The following BORCS5 variants were observed in gnomAD, a reference collection of about 807,000 sequenced individuals.
The protein encoded by BORCS5 is BLOC-1 related complex subunit 5, also known as BLOC-1-related complex subunit 5.
Under a neutral mutation model 22.1 loss-of-function variants are expected in BORCS5, and 17 were observed. The observed-to-expected ratio is 0.77, with a 90% CI of 0.53 to 1.15. The LOEUF (loss-of-function observed/expected upper bound fraction) is 1.15, where lower values mean the gene tolerates loss of function less well. Among genes scored for constraint, BORCS5 ranks in the 50% most tolerant of loss-of-function variants. BORCS5 has a pLI of 0.00. For synonymous variants in BORCS5, 117 were observed against 99.8 expected (o/e 1.17, Z -1.03); for missense variants, 247 against 253.2 (o/e 0.98, Z 0.17).
chr12:12,373,845 A>G (rs1027532617), intron 2 of BORCS5, among the ~76,000 whole-genome samples: 7 of 152,186 alleles, frequency 4.6e-5, no homozygotes, highest in Non-Finnish European at 7.3e-5. Flanking sequence ...CAAAGAGTAG[A>G]TAAACATGGA....
rs182274143 is a variant in BORCS5 at position 12,370,940 on chromosome 12, G to A, written c.202+9591G>A. Among the ~76,000 whole-genome samples, 223 of 152,132 alleles carry A rather than the reference G, an allele frequency of 1.5e-3. 2 individuals are homozygous for A. Among genetic ancestry groups the A allele is most frequent in the African/African-American group, 4.0e-3 (164 of 41,514 alleles). On this transcript the variant is annotated intron_variant, in intron 2 of 3. Transcript: ENST00000314565. ...ATTTTTCTGTATTTTTAGCAGAGAC[G>A]GGATTTCACTGTGTTAGCCAGGGTG...
At chr12:12,403,518 A>G (rs139639448) in intron 2 of BORCS5, among the ~76,000 whole-genome samples, 147 of 152,272 alleles carry the variant, frequency 9.7e-4, no homozygotes, top group Non-Finnish European at 1.8e-3. Flanking sequence ...GAAGCAGGAG[A>G]TGAGGAAAGG....
intron 2 of BORCS5, among the ~76,000 whole-genome samples, chr12:12,389,553 T>A (rs941442215): frequency 3.3e-5 from 5 of 152,114 alleles, no homozygotes; most frequent in Non-Finnish European, 7.4e-5. Flanking sequence ...GGTTGCTCCA[T>A]CCTGCCTACA....
chr12:12,397,777 G>C (rs540714612), intron 2 of BORCS5, among the ~76,000 whole-genome samples: 1 of 152,288 alleles, frequency 6.6e-6, no homozygotes, highest in East Asian at 1.9e-4. Context: ...TTGCTAAGAA[G>C]TGTTAAGCGT....
chr12:12,461,168 T>C (rs1257176050), intron 3 of BORCS5, among the ~76,000 whole-genome samples: 4 of 151,580 alleles, frequency 2.6e-5, no homozygotes, highest in East Asian at 1.9e-4. Context: ...ATTCTTTTTT[T>C]TTTTTTTTTT....
At chr12:12,415,556 A>AGGGG (rs1555151610) in intron 2 of BORCS5, among the ~76,000 whole-genome samples, 4 of 3,302 alleles carry the variant, frequency 1.2e-3, no homozygotes, top group Non-Finnish European at 3.7e-3. Context: ...GACCGTGGAG[A>AGGGG]GAGGGGGAGG....
At chr12:12,361,773 G>C (rs1392539993) in intron 2 of BORCS5, among the ~76,000 whole-genome samples, 1 of 152,138 alleles carries the variant, frequency 6.6e-6, no homozygotes, top group Non-Finnish European at 1.5e-5. Context: ...TTGTGATCTG[G>C]ACAGTGGGTG....
chr12:12,396,298 T>C (rs150858869), intron 2 of BORCS5, among the ~76,000 whole-genome samples: 126 of 152,336 alleles, frequency 8.3e-4, no homozygotes, highest in Middle Eastern at 3.4e-3. Flanking sequence ...GAGATTAATT[T>C]TGAATTTTGG....
chr12:12,449,681 T>C (rs189124349), intron 3 of BORCS5, among the ~76,000 whole-genome samples: 5 of 152,348 alleles, frequency 3.3e-5, no homozygotes, highest in African/African-American at 1.2e-4. Context: ...TTTAGATACA[T>C]TGTTTGAACA....
intron 2 of BORCS5, among the ~76,000 whole-genome samples, chr12:12,401,107 C>T (rs1248306058): frequency 6.6e-6 from 1 of 152,120 alleles, no homozygotes; most frequent in Non-Finnish European, 1.5e-5. Context: ...AACAGTTTTG[C>T]AGTGGACATC....
chr12:12,418,399 A>G (rs192088627), intron 2 of BORCS5, among the ~76,000 whole-genome samples: 31 of 152,098 alleles, frequency 2.0e-4, no homozygotes, highest in Admixed American at 9.2e-4. Flanking sequence ...TTTAAGGTCT[A>G]TTTTGGTCAG....
intron 3 of BORCS5, among the ~76,000 whole-genome samples, chr12:12,441,018 G>C (rs1942671781): frequency 6.6e-6 from 1 of 152,186 alleles, no homozygotes; most frequent in Non-Finnish European, 1.5e-5. Flanking sequence ...GATCAAAGAT[G>C]AAGGAGAAAG....
intron 2 of BORCS5, among the ~76,000 whole-genome samples, chr12:12,416,939 G>C (rs796652785): frequency 2.6e-5 from 4 of 151,412 alleles, no homozygotes; most frequent in African/African-American, 9.7e-5. Flanking sequence ...GCGCCACCAT[G>C]CCTGGCTACT....
chr12:12,454,473 C>T (rs1011616079), intron 3 of BORCS5, among the ~76,000 whole-genome samples: 6 of 152,126 alleles, frequency 3.9e-5, no homozygotes, highest in African/African-American at 1.4e-4. Flanking sequence ...ATTTGTATAT[C>T]TTCTTTGGAT....
intron 2 of BORCS5, among the ~76,000 whole-genome samples, chr12:12,402,458 A>C (rs1286396480): frequency 6.6e-6 from 1 of 152,242 alleles, no homozygotes; most frequent in East Asian, 1.9e-4. Context: ...ATTCTGCCCT[A>C]CTGTGGACAC....
intron 3 of BORCS5, among the ~76,000 whole-genome samples, chr12:12,453,117 T>G (rs1371307804): frequency 6.6e-6 from 1 of 152,098 alleles, no homozygotes; most frequent in East Asian, 1.9e-4. Flanking sequence ...AAGCAAAAAA[T>G]GGTAAGTATG....
chr12:12,426,125 T>C (rs933177465), intron 2 of BORCS5, among the ~76,000 whole-genome samples: 1 of 152,232 alleles, frequency 6.6e-6, no homozygotes, highest in African/African-American at 2.4e-5. Flanking sequence ...CGGGTCTACC[T>C]GACTCCAAAC....
chr12:12,466,243 C>T lies in BORCS5; in HGVS notation c.*467C>T, dbSNP rs1444182417. 1 of 154,232 alleles carries T rather than the reference C, an allele frequency of 6.5e-6. No homozygotes were observed. The allele number at this position is 154,232 out of a possible 1,614,324, so 9.6% of individuals were successfully genotyped here. A position where few individuals can be genotyped will look rare whatever the true frequency, so the allele number is the denominator to read the frequency against. ...TGAAAAACTAATTGAATCTAGGTCTCTGTATTGTTCCTGTTTCTACCCTGA... is the reference window on the plus strand; with the variant it reads ...TGAAAAACTAATTGAATCTAGGTCTTTGTATTGTTCCTGTTTCTACCCTGA... On this transcript the variant is annotated 3_prime_UTR_variant, in exon 4 of 4. Coordinates refer to ENST00000314565, the MANE Select transcript of BORCS5 (RefSeq NM_058169.6).
intron 3 of BORCS5, among the ~76,000 whole-genome samples, chr12:12,460,208 A>G (rs1181473376): frequency 6.6e-6 from 1 of 152,218 alleles, no homozygotes; most frequent in South Asian, 2.1e-4. Context: ...TTGTAATATC[A>G]GTGTACAGAT....
Sources: allele counts gnomAD v4.1 joint callset (sites outside exome capture counted in the v4.1 genomes callset), GRCh38; gene constraint gnomAD v4.1.1; transcripts MANE v1.5; gene names NCBI Gene and HGNC (gene_info 2026-07-23, HGNC 2026-07-21).